PTPRK: variants seen among roughly 807,000 people sequenced by gnomAD.
PTPRK encodes the protein protein tyrosine phosphatase receptor type K.
PTPRK carries 75 observed loss-of-function variants against 178.0 expected under a neutral mutation model. The ratio of observed to expected loss-of-function variants is 0.42; its 90% CI spans 0.35 to 0.51. PTPRK has a LOEUF of 0.51. PTPRK is among the 20% of genes least tolerant of loss of function. The pLI, the probability that PTPRK is intolerant of heterozygous loss-of-function variation, is 0.02. For synonymous variants in PTPRK, 637 were observed against 620.6 expected (o/e 1.03, Z -0.39); for missense variants, 1,441 against 1,797.8 (o/e 0.80, Z 3.59).
At chr6:128,452,829 T>G (rs1050038031) in intron 1 of PTPRK, among the ~76,000 whole-genome samples, 1 of 152,198 alleles carries the variant, frequency 6.6e-6, no homozygotes, top group Non-Finnish European at 1.5e-5. Context: ...AAAACAACCT[T>G]AAATTGGCTT....
At chr6:128,054,880 G>C (rs890714010) in intron 13 of PTPRK, among the ~76,000 whole-genome samples, 23 of 152,102 alleles carry the variant, frequency 1.5e-4, no homozygotes, top group African/African-American at 5.3e-4. Context: ...CTTTGCCACA[G>C]GTCATGAGGA....
At chr6:128,078,149 G>A (rs1290327479) in intron 11 of PTPRK, among the ~76,000 whole-genome samples, 1 of 151,930 alleles carries the variant, frequency 6.6e-6, no homozygotes, top group African/African-American at 2.4e-5. Context: ...AATGAAATGG[G>A]ACTAGAGGGG....
At chr6:128,491,654 A>G (rs2128429638) in intron 1 of PTPRK, 3 of 440,364 alleles carry the variant, frequency 6.8e-6, no homozygotes, top group African/African-American at 2.0e-5. Context: ...AGGCTCAGGC[A>G]CTCATGTGAA....
intron 1 of PTPRK, among the ~76,000 whole-genome samples, chr6:128,445,160 G>A (rs967936303): frequency 7.5e-6 from 1 of 132,754 alleles, no homozygotes; most frequent in Non-Finnish European, 1.6e-5. Flanking sequence ...TTGGAGACCA[G>A]CTGAGCAAAA....
intron 14 of PTPRK, among the ~76,000 whole-genome samples, chr6:128,008,887 G>A (rs535285548): frequency 1.9e-4 from 29 of 150,876 alleles, no homozygotes; most frequent in Non-Finnish European, 3.9e-4. Flanking sequence ...ATTTAAATTC[G>A]GATATTAATT....
intron 1 of PTPRK, among the ~76,000 whole-genome samples, chr6:128,468,351 T>C (rs948490380): frequency 6.6e-6 from 1 of 152,152 alleles, no homozygotes; most frequent in Non-Finnish European, 1.5e-5. Context: ...TCTGGCAGCA[T>C]CACACAAATC....
chr6:127,988,690 T>A (rs1169062758), intron 21 of PTPRK, among the ~76,000 whole-genome samples: 2 of 152,112 alleles, frequency 1.3e-5, no homozygotes. Flanking sequence ...GCAAGTATAA[T>A]GGCTATGTCC....
chr6:128,177,589 C>T (rs1475885172), intron 7 of PTPRK, among the ~76,000 whole-genome samples: 2 of 151,694 alleles, frequency 1.3e-5, no homozygotes, highest in Non-Finnish European at 3.0e-5. Context: ...GAAAACAACC[C>T]AACTCTATTA....
At chr6:128,491,951 A>G (rs1489779019) in intron 1 of PTPRK, 1 of 412,036 alleles carries the variant, frequency 2.4e-6, no homozygotes, top group Non-Finnish European at 4.9e-6. Context: ...TACTGTTCAC[A>G]TTTGTTTAAA....
intron 7 of PTPRK, among the ~76,000 whole-genome samples, chr6:128,176,178 T>G (rs1025464494): frequency 6.6e-6 from 1 of 151,946 alleles, no homozygotes; most frequent in Non-Finnish European, 1.5e-5. Context: ...TGTGTGTGTA[T>G]ATTCCTTGTA....
chr6:128,273,875 T>C (rs1583834191), intron 3 of PTPRK, among the ~76,000 whole-genome samples: 1 of 152,172 alleles, frequency 6.6e-6, no homozygotes, highest in African/African-American at 2.4e-5. Flanking sequence ...AATCAAACAG[T>C]TAGTTGTTCA....
intron 1 of PTPRK, among the ~76,000 whole-genome samples, chr6:128,413,938 A>G (rs1340577550): frequency 6.6e-6 from 1 of 152,176 alleles, no homozygotes; most frequent in Non-Finnish European, 1.5e-5. Context: ...CCTATTAAAA[A>G]AAGACTAACA....
chr6:128,396,194 A>G (rs930712019), intron 2 of PTPRK, among the ~76,000 whole-genome samples: 1 of 151,622 alleles, frequency 6.6e-6, no homozygotes, highest in Admixed American at 6.6e-5. Flanking sequence ...ACACTCAAGA[A>G]GGACTTACTC....
At chr6:128,164,651 C>T (rs916860216) in intron 7 of PTPRK, among the ~76,000 whole-genome samples, 1 of 151,096 alleles carries the variant, frequency 6.6e-6, no homozygotes, top group African/African-American at 2.4e-5. Context: ...CTTTAGCTGG[C>T]ATAAACTGGT....
chr6:128,331,980 T>G (rs1365050350), intron 2 of PTPRK, among the ~76,000 whole-genome samples: 2 of 143,252 alleles, frequency 1.4e-5, no homozygotes, highest in Admixed American at 7.5e-5. Flanking sequence ...TTTAAGATAA[T>G]AGCTTCTAAA....
chr6:128,460,925 T>C (rs1440323526), intron 1 of PTPRK, among the ~76,000 whole-genome samples: 1 of 152,132 alleles, frequency 6.6e-6, no homozygotes, highest in Non-Finnish European at 1.5e-5. Context: ...AGGACAGATA[T>C]AAAATAATGA....
At chr6:128,407,427 A>G (rs577128980) in intron 1 of PTPRK, among the ~76,000 whole-genome samples, 1 of 152,110 alleles carries the variant, frequency 6.6e-6, no homozygotes, top group African/African-American at 2.4e-5. Context: ...TCTTGAGCCT[A>G]AGAGTTCAAG....
chr6:128,164,717 G>C (rs1799148824), intron 7 of PTPRK, among the ~76,000 whole-genome samples: 1 of 148,510 alleles, frequency 6.7e-6, no homozygotes, highest in Non-Finnish European at 1.5e-5. Context: ...TAAATTACAG[G>C]CTGGGGGGGG....
chr6:128,415,698 A>C (rs1842773228), intron 1 of PTPRK, among the ~76,000 whole-genome samples: 1 of 152,168 alleles, frequency 6.6e-6, no homozygotes, highest in African/African-American at 2.4e-5. Flanking sequence ...AACAAACCCT[A>C]ATCCAACCAG....
Sources: allele counts gnomAD v4.1 joint callset (sites outside exome capture counted in the v4.1 genomes callset), GRCh38; gene constraint gnomAD v4.1.1; transcripts MANE v1.5; gene names NCBI Gene and HGNC (gene_info 2026-07-23, HGNC 2026-07-21).